The following SENP6 variants were observed in gnomAD, a reference collection of about 807,000 sequenced individuals.
SENP6 encodes SUMO specific peptidase 6.
SENP6 carries 41 observed loss-of-function variants against 134.5 expected under a neutral mutation model. That is an observed-to-expected ratio of 0.30 (90% CI 0.24 to 0.40). The LOEUF (loss-of-function observed/expected upper bound fraction) is 0.40, where lower values mean the gene tolerates loss of function less well. Ranked by LOEUF, SENP6 falls within the 10% of genes least tolerant of loss-of-function variation. SENP6 has a pLI of 1.00. For synonymous variants in SENP6, 395 were observed against 429.8 expected (o/e 0.92, Z 1.00); for missense variants, 1,248 against 1,312.5 (o/e 0.95, Z 0.76).
chr6:75,668,058 A>G (rs919968770), intron 10 of SENP6, among the ~76,000 whole-genome samples: 3 of 152,206 alleles, frequency 2.0e-5, no homozygotes, highest in Non-Finnish European at 4.4e-5. Flanking sequence ...GAACATATAT[A>G]CTTGGTTATT....
Position 75,621,742 on chromosome 6 carries a change from C to T in SENP6, c.146+117C>T. ...ATGGTATTCTTAAGAAAACATATAA[C>T]TCTTTCACAGTCGCTTTAAGGAAAG... On this transcript the variant is annotated intron_variant, in intron 2 of 23. Transcript: ENST00000447266. The T allele has an allele frequency of 7.3e-6, 3 of 408,552 alleles. No individual in the cohort carries two copies. The Admixed American group carries it at 1.3e-4, about 18-fold the overall frequency. The allele number at this position is 408,552 out of a possible 1,614,324, so 25.3% of individuals were successfully genotyped here. A position where few individuals can be genotyped will look rare whatever the true frequency, so the allele number is the denominator to read the frequency against.
chr6:75,714,603 T>C (rs913365973), intron 23 of SENP6, among the ~76,000 whole-genome samples: 1 of 152,222 alleles, frequency 6.6e-6, no homozygotes, highest in Non-Finnish European at 1.5e-5. Flanking sequence ...TTCCTGTGGC[T>C]GTTGATTTAC....
intron 16 of SENP6, chr6:75,679,570 G>C (rs1304365196): frequency 1.3e-5 from 2 of 152,262 alleles, no homozygotes; most frequent in Admixed American, 1.3e-4. Context: ...AGTCCTAGCA[G>C]ATGAGAGAAT....
At chr6:75,609,217 C>A (rs1767257918) in intron 1 of SENP6, among the ~76,000 whole-genome samples, 1 of 152,326 alleles carries the variant, frequency 6.6e-6, no homozygotes, top group East Asian at 1.9e-4. Context: ...GCTTCCTCAT[C>A]ACTTTGCTTC....
Position 75,667,015 on chromosome 6 carries a change from A to C in SENP6, c.1224+74A>C, listed in dbSNP as rs1328741116. The C allele has an allele frequency of 8.1e-6, 7 of 859,214 alleles. No individual in the cohort carries two copies. The Admixed American group carries it at 9.3e-5, about 11-fold the overall frequency. The allele number at this position is 859,214 out of a possible 1,614,324, so 53.2% of individuals were successfully genotyped here. ...GGGGTGTAAATTTTTTTTAGAAGGC[A>C]GTTTGGTAGTGCCAAGAAAAAATGA... On this transcript the variant is annotated intron_variant, in intron 10 of 23. Transcript: ENST00000447266.
chr6:75,629,570 G>T (rs2149835128), intron 3 of SENP6, among the ~76,000 whole-genome samples: 1 of 152,336 alleles, frequency 6.6e-6, no homozygotes, highest in Non-Finnish European at 1.5e-5. Flanking sequence ...AAAGTGCTGG[G>T]AGTACAGGTG....
chr6:75,635,354 A>G (rs1305434516), intron 5 of SENP6, among the ~76,000 whole-genome samples: 1 of 152,182 alleles, frequency 6.6e-6, no homozygotes, highest in Non-Finnish European at 1.5e-5. Context: ...ATGACCTTTC[A>G]GTTGACTGAA....
chr6:75,683,319 G>T (rs906858833), intron 16 of SENP6, among the ~76,000 whole-genome samples: 1 of 152,190 alleles, frequency 6.6e-6, no homozygotes, highest in Non-Finnish European at 1.5e-5. Flanking sequence ...TGTCAGATGG[G>T]TAGATTGCAA....
chr6:75,713,091 C>A (rs534336869), intron 21 of SENP6, among the ~76,000 whole-genome samples: 3 of 152,014 alleles, frequency 2.0e-5, no homozygotes, highest in Non-Finnish European at 4.4e-5. Context: ...CAGAGTGAGA[C>A]CCTGCCTGAA....
At chr6:75,670,220 T>C (rs1772562345) in intron 10 of SENP6, among the ~76,000 whole-genome samples, 1 of 152,116 alleles carries the variant, frequency 6.6e-6, no homozygotes, top group Non-Finnish European at 1.5e-5. Flanking sequence ...GTGCTGGGAG[T>C]ACAGGTGTGA....
At chr6:75,709,373 AACTT>A (rs1305021923) in intron 19 of SENP6, among the ~76,000 whole-genome samples, 150 bp from the exon 20 acceptor site, 2 of 152,188 alleles carry the variant, frequency 1.3e-5, no homozygotes, top group African/African-American at 4.8e-5. Flanking sequence ...TTTTTAAAAT[AACTT>A]ACTTTATGTT....
At chr6:75,631,003 ATTT>A (rs1193779896) in intron 3 of SENP6, among the ~76,000 whole-genome samples, 1 of 151,986 alleles carries the variant, frequency 6.6e-6, no homozygotes. Flanking sequence ...CTAAGCTGCT[ATTT>A]AATCCATACA....
chr6:75,622,917 C>T (rs1322918817), intron 2 of SENP6: 1 of 751,730 alleles, frequency 1.3e-6, no homozygotes, highest in Non-Finnish European at 1.9e-6. Context: ...TTCTTTTATA[C>T]TTTTTCTGAT....
chr6:75,717,902 T>C lies in SENP6; in HGVS notation c.*2308T>C, dbSNP rs1283464690. The C allele has an allele frequency of 2.6e-5, 4 of 152,140 alleles. No homozygotes were observed. The allele number at this position is 152,140 out of a possible 1,614,324, so 9.4% of individuals were successfully genotyped here. ...TAAAATTTGTATGTCTCAGCTCTTG[T>C]TGGTTTAGGAGCAGAAGTGGTGTTT... On this transcript the variant is annotated 3_prime_UTR_variant, in exon 24 of 24. Coordinates refer to ENST00000447266, the MANE Select transcript of SENP6 (RefSeq NM_015571.4).
intron 21 of SENP6, among the ~76,000 whole-genome samples, chr6:75,713,244 A>C (rs1775854860): frequency 6.6e-6 from 1 of 152,212 alleles, no homozygotes; most frequent in Non-Finnish European, 1.5e-5. Context: ...AACCAACTAC[A>C]GAATTTTAGT....
intron 8 of SENP6, among the ~76,000 whole-genome samples, chr6:75,662,991 C>T (rs751384141): frequency 1.3e-5 from 2 of 152,156 alleles, no homozygotes; most frequent in Non-Finnish European, 2.9e-5. Flanking sequence ...TCCCGACTAA[C>T]ATTACTTATT....
At position 75,698,695 on chromosome 6, in the gene SENP6, G is replaced by C; in HGVS notation, c.2288+1178G>C. Reference sequence around the variant, plus strand: ...AAATTTAAAATAACATTTAAAACTAGTTAATTTCTTCATTCTCTTCAAAAT... The same window carrying C: ...AAATTTAAAATAACATTTAAAACTACTTAATTTCTTCATTCTCTTCAAAAT... On this transcript the variant is annotated intron_variant, in intron 18 of 23. Coordinates refer to ENST00000447266, the MANE Select transcript of SENP6 (RefSeq NM_015571.4). Among the ~76,000 whole-genome samples the C allele has an allele frequency of 1.3e-5, 2 of 152,116 alleles. 1 individual carries two copies. The highest frequency in any genetic ancestry group is 1.3e-4 in the Admixed American group (2 of 15,270).
In SENP6 at chr6:75,717,067, T is replaced by C. The variant is rs1188520269; in HGVS notation, c.*1473T>C. The C allele has an allele frequency of 1.3e-5, 2 of 151,992 alleles. No homozygotes were observed. The highest frequency in any genetic ancestry group is 3.8e-4 in the East Asian group (2 of 5,200). The allele number at this position is 151,992 out of a possible 1,614,324, so 9.4% of individuals were successfully genotyped here. A position where few individuals can be genotyped will look rare whatever the true frequency, so the allele number is the denominator to read the frequency against. Reference sequence around the variant, plus strand: ...GTGATATCAACTGTAGTTTGTTACTTTGAACTATATTTCTGATTAACTCTT... The same window carrying C: ...GTGATATCAACTGTAGTTTGTTACTCTGAACTATATTTCTGATTAACTCTT... On this transcript the variant is annotated 3_prime_UTR_variant, in exon 24 of 24. Coordinates refer to ENST00000447266, the MANE Select transcript of SENP6 (RefSeq NM_015571.4).
At position 75,677,159 on chromosome 6, in the gene SENP6, C is replaced by G. The variant is rs1386220260; in HGVS notation, c.1751C>G (p.Pro584Arg). 13 of 1,612,056 alleles carry G rather than the reference C, an allele frequency of 8.1e-6. No individual in the cohort carries two copies. Among genetic ancestry groups the G allele is most frequent in the Non-Finnish European group, 1.1e-5 (13 of 1,179,020 alleles). ...ATCTCCAATTTTTTTGCGAAAATTCCCTTTGAAGAAGCTAATGGCAGACTT... is the reference window on the plus strand; with the variant it reads ...ATCTCCAATTTTTTTGCGAAAATTCGCTTTGAAGAAGCTAATGGCAGACTT... ...NNISNFFAKI[P>R]FEEANGRLVA... Residue 584 changes from proline (P) to arginine (R), a missense_variant, in exon 14 of 24, where the codon CCC (proline) becomes CGC (arginine). By Grantham distance (103) the Pro-to-Arg change is moderately radical (BLOSUM62 -2). Around this residue, in one of 3 missense-constraint regions of SENP6, gnomAD observed 733 missense variants for 725.4 expected, o/e 1.01. Transcript: ENST00000447266.
Sources: gnomAD v4.1 joint callset for allele counts (sites outside exome capture counted in the v4.1 genomes callset) on GRCh38, gnomAD v4.1.1 for gene constraint, gnomAD v4.1.1 regional missense constraint, MANE v1.5 for transcripts, NCBI Gene and HGNC (gene_info 2026-07-23, HGNC 2026-07-21) for gene names.